Variants in MOGAT1 observed in about 807,000 individuals in gnomAD.
MOGAT1 encodes the protein monoacylglycerol O-acyltransferase 1.
A neutral mutation model predicts 31.4 loss-of-function variants in MOGAT1; 32 were observed. The ratio of observed to expected loss-of-function variants is 1.02; its 90% confidence interval spans 0.77 to 1.37. The LOEUF is 1.37. Among genes scored for constraint, MOGAT1 ranks in the 40% most tolerant of loss-of-function variants. MOGAT1 has a pLI of 0.00. For synonymous variants in MOGAT1, 145 were observed against 144.5 expected (o/e 1.00, Z -0.03); for missense variants, 426 against 402.0 (o/e 1.06, Z -0.51).
intron 5 of MOGAT1, among the ~76,000 whole-genome samples, chr2:222,696,249 G>A (rs570627237): frequency 2.0e-4 from 30 of 152,200 alleles, no homozygotes; most frequent in African/African-American, 5.3e-4. Flanking sequence ...TATATTTTTC[G>A]TATAATGACT....
At chr2:222,680,241 T>C (rs144483923) in intron 1 of MOGAT1, among the ~76,000 whole-genome samples, 1 of 152,382 alleles carries the variant, frequency 6.6e-6, no homozygotes, top group East Asian at 1.9e-4. Context: ...TCTTTTATTA[T>C]GGATTATCTC....
In MOGAT1 at chr2:222,671,705, G is replaced by A. The variant is rs904147527; in HGVS notation, c.-81G>A. ...AGTGCCCAGCGCGGGGCCCGGATCC[G>A]GCCGGGCACTTCCCACAGGCGCCGC... On this transcript the variant is annotated 5_prime_UTR_variant, in exon 1 of 6. Coordinates refer to ENST00000446656, the MANE Select transcript of MOGAT1 (RefSeq NM_058165.3). 8.2e-6 allele frequency: 10 copies of A among 1,220,218 alleles called. No individual in the cohort carries two copies. Among genetic ancestry groups the A allele is most frequent in the Non-Finnish European group, 1.2e-5 (10 of 856,044 alleles). 75.6% of individuals were successfully genotyped at this position (1,220,218 alleles called of 1,614,324 possible).
rs753728329 is a variant in MOGAT1, at chr2:222,709,869, C to G, written c.987C>G (p.His329Gln). ...EHKGKYGIPEHETLVLK is the reference protein window; with the variant it reads ...EHKGKYGIPEQETLVLK ...AAGGAAAGTATGGCATTCCAGAGCA[C>G]GAGACTCTTGTTTTAAAATGACTTG... The change falls in exon 6 of 6, where the codon CAC becomes CAG. Residue 329 changes from histidine (H) to glutamine (Q), a missense_variant. Transcript: ENST00000446656. 3.7e-6 allele frequency: 6 copies of G among 1,604,198 alleles called. No individual in the cohort carries two copies. The Admixed American group carries it at 6.8e-5, about 18-fold the overall frequency.
chr2:222,707,456 A>G (rs1478744263), intron 5 of MOGAT1, among the ~76,000 whole-genome samples: 1 of 151,712 alleles, frequency 6.6e-6, no homozygotes, highest in African/African-American at 2.4e-5. Flanking sequence ...GGGAAAGGGA[A>G]AGGAAATTAA....
chr2:222,685,816 G>T (rs1216837483), intron 1 of MOGAT1, among the ~76,000 whole-genome samples: 1 of 151,964 alleles, frequency 6.6e-6, no homozygotes, highest in Admixed American at 6.6e-5. Flanking sequence ...GGCCAGGCTG[G>T]TCTCAAATTC....
intron 5 of MOGAT1, among the ~76,000 whole-genome samples, chr2:222,707,027 T>C (rs772846902): frequency 1.3e-5 from 2 of 151,890 alleles, no homozygotes; most frequent in Non-Finnish European, 2.9e-5. Flanking sequence ...CTGTCTCTAC[T>C]AAAAATACAA....
intron 1 of MOGAT1, among the ~76,000 whole-genome samples, chr2:222,685,603 T>C (rs1179418299): frequency 6.8e-6 from 1 of 147,014 alleles, no homozygotes; most frequent in African/African-American, 2.6e-5. Context: ...TTCTTCTTTT[T>C]TTTTTTTTTT....
chr2:222,694,613 A>T, intron 4 of MOGAT1, 77 bp downstream of exon 4: 2 of 1,430,010 alleles, frequency 1.4e-6, no homozygotes, highest in Non-Finnish European at 1.9e-6. Flanking sequence ...AAGTAAGGTG[A>T]TTTTCTAGCC....
chr2:222,687,031 T>G (rs957023298), intron 1 of MOGAT1, among the ~76,000 whole-genome samples: 3 of 145,616 alleles, frequency 2.1e-5, no homozygotes, highest in African/African-American at 7.7e-5. Flanking sequence ...GGAGAATCGC[T>G]TGAACCCAGG....
At chr2:222,678,018 G>A (rs1420627731) in intron 1 of MOGAT1, 2 of 250,982 alleles carry the variant, frequency 8.0e-6, no homozygotes, top group Non-Finnish European at 1.6e-5. Context: ...AAGACCAACA[G>A]GAAGCCCTCA....
chr2:222,707,769 T>C (rs1452687345), intron 5 of MOGAT1, among the ~76,000 whole-genome samples: 1 of 152,244 alleles, frequency 6.6e-6, no homozygotes, highest in Non-Finnish European at 1.5e-5. Context: ...AATATTAATG[T>C]TGCAGTAAGG....
chr2:222,677,904 A>G (rs1692522545), intron 1 of MOGAT1: 1 of 264,980 alleles, frequency 3.8e-6, no homozygotes, highest in South Asian at 5.2e-5. Context: ...GATCTGCTTT[A>G]TTGCCAAATA....
chr2:222,678,797 T>C (rs182583285), intron 1 of MOGAT1, among the ~76,000 whole-genome samples: 1 of 152,240 alleles, frequency 6.6e-6, no homozygotes, highest in East Asian at 1.9e-4. Context: ...AAAAATTAGC[T>C]AGGCATGGTG....
intron 1 of MOGAT1, among the ~76,000 whole-genome samples, chr2:222,672,889 T>TTTATTATTATTATTATTA (rs58396282): frequency 3.6e-5 from 5 of 139,220 alleles, no homozygotes; most frequent in South Asian, 2.3e-4. Flanking sequence ...CTGGAATTTG[T>TTTATTATTATTATTATTA]TTATTATTAT....
intron 1 of MOGAT1, among the ~76,000 whole-genome samples, chr2:222,687,706 C>T (rs1692694926): frequency 6.6e-6 from 1 of 152,158 alleles, no homozygotes; most frequent in Admixed American, 6.5e-5. Flanking sequence ...TGAAGAGTCC[C>T]ACCTTTGCTA....
At chr2:222,681,321 T>C (rs1692577918) in intron 1 of MOGAT1, among the ~76,000 whole-genome samples, 1 of 152,164 alleles carries the variant, frequency 6.6e-6, no homozygotes, top group Non-Finnish European at 1.5e-5. Flanking sequence ...AAATTGAGGA[T>C]TCACACGACC....
chr2:222,690,217 T>A (rs191714369), intron 3 of MOGAT1, among the ~76,000 whole-genome samples: 2 of 152,140 alleles, frequency 1.3e-5, no homozygotes, highest in Non-Finnish European at 2.9e-5. Context: ...ATGGTGCCCC[T>A]GCACTTCAGT....
intron 5 of MOGAT1, among the ~76,000 whole-genome samples, chr2:222,707,124 G>A (rs911587710): frequency 1.3e-5 from 2 of 151,920 alleles, no homozygotes; most frequent in Middle Eastern, 3.4e-3. Context: ...TCCAGGAGGC[G>A]GAGGCTGCAG....
intron 5 of MOGAT1, among the ~76,000 whole-genome samples, chr2:222,698,392 T>C (rs1692867974): frequency 6.6e-6 from 1 of 152,212 alleles, no homozygotes; most frequent in African/African-American, 2.4e-5. Context: ...ATTATAGATT[T>C]CTGAGGCTGG....
Sources: gnomAD v4.1 joint callset for allele counts (sites outside exome capture counted in the v4.1 genomes callset) on GRCh38, gnomAD v4.1.1 for gene constraint, MANE v1.5 for transcripts, NCBI Gene and HGNC (gene_info 2026-07-23, HGNC 2026-07-21) for gene names.